The following GIMAP2 variants were observed in gnomAD, a reference collection of about 807,000 sequenced individuals.
GIMAP2 encodes the protein GTPase, IMAP family member 2, also known as GTPase IMAP family member 2.
GIMAP2 carries 22 observed loss-of-function variants against 25.5 expected under a neutral mutation model. The ratio of observed to expected loss-of-function variants is 0.86; its 90% CI spans 0.62 to 1.23. The LOEUF is 1.23. Among genes scored for constraint, GIMAP2 ranks in the 50% most tolerant of loss-of-function variants. The pLI, the probability that GIMAP2 is intolerant of heterozygous loss-of-function variation, is 0.00. For synonymous variants in GIMAP2, 167 were observed against 143.0 expected, an observed-to-expected ratio of 1.17 and a Z score of -1.20; for missense variants, 422 against 395.7, an observed-to-expected ratio of 1.07 and a Z score of -0.56.
chr7:150,692,943 C>T lies in GIMAP2; in HGVS notation c.657C>T (p.Tyr219=). ...GTGATCACTATACCAATGGGTTGTA[C>T]AGCCTAATACAGAGGTCTAAATGTG... is the stretch of plus-strand genomic sequence containing the variant. ...KNGDHYTNGL[Y]SLIQRSKCGP... is the part of the protein sequence containing the mutation. The change falls in exon 3 of 3, where the codon TAC becomes TAT. Residue 219 remains tyrosine, a synonymous_variant. Transcript: ENST00000223293. The T allele has an allele frequency of 6.2e-7, 1 of 1,614,096 alleles. No homozygotes were observed. Among genetic ancestry groups the T allele is most frequent in the Non-Finnish European group, 8.5e-7 (1 of 1,179,940 alleles).
Position 150,692,669 on chromosome 7 carries a change from G to C in GIMAP2, c.383G>C (p.Arg128Thr). ...YTSQDQQAAQ[R>T]VKEIFGEDAM... Reference sequence around the variant, plus strand: ...TCACAGGACCAGCAGGCTGCACAGAGGGTGAAGGAGATCTTTGGAGAGGAT... The same window carrying C: ...TCACAGGACCAGCAGGCTGCACAGACGGTGAAGGAGATCTTTGGAGAGGAT... Residue 128 changes from arginine (R) to threonine (T), a missense_variant, in exon 3 of 3, where the codon AGG (arginine) becomes ACG (threonine). Coordinates refer to ENST00000223293, the MANE Select transcript of GIMAP2 (RefSeq NM_015660.3). The C allele has an allele frequency of 6.2e-7, 1 of 1,614,238 alleles. No individual in the cohort carries two copies. Among genetic ancestry groups the C allele is most frequent in the Non-Finnish European group, 8.5e-7 (1 of 1,180,046 alleles).
At chr7:150,690,119 C>T (rs1472225611) in intron 2 of GIMAP2, among the ~76,000 whole-genome samples, 1 of 152,166 alleles carries the variant, frequency 6.6e-6, no homozygotes, top group Non-Finnish European at 1.5e-5. Flanking sequence ...TTGAACTTCC[C>T]TGAGCACAGT....
chr7:150,692,220 G>C, intron 2 of GIMAP2, 95 bp from the exon 3 acceptor site: 1 of 1,233,520 alleles, frequency 8.1e-7, no homozygotes, highest in Non-Finnish European at 1.1e-6. Context: ...GCGAGACTCC[G>C]TCTCAAAAAA....
Position 150,692,239 on chromosome 7 carries a change from A to C in GIMAP2, c.29-76A>C, listed in dbSNP as rs1324591121. ...GACTCCGTCTCAAAAAAAAAAGAAA[A>C]AGAAATGAAAGGAAAAAAAAATATT... On this transcript the variant is annotated intron_variant, in intron 2 of 2. Coordinates refer to ENST00000223293, the MANE Select transcript of GIMAP2 (RefSeq NM_015660.3). 4.3e-6 allele frequency: 6 copies of C among 1,402,142 alleles called. No homozygotes were observed. The East Asian group carries it at 1.5e-4, about 34-fold the overall frequency. The allele number at this position is 1,402,142 out of a possible 1,614,324, so 86.9% of individuals were successfully genotyped here. A position where few individuals can be genotyped will look rare whatever the true frequency, so the allele number is the denominator to read the frequency against.
chr7:150,686,943 CAAAAA>C (rs1224720533), intron 1 of GIMAP2, 104 bp from the exon 2 acceptor site: 7 of 483,840 alleles, frequency 1.4e-5, no homozygotes, highest in South Asian at 2.3e-5. Flanking sequence ...AACTGTGTCT[CAAAAA>C]AAAAAAAAAA....
chr7:150,692,245 T>G, intron 2 of GIMAP2, 70 bp from the exon 3 acceptor site: 1 of 1,417,064 alleles, frequency 7.1e-7, no homozygotes, highest in Non-Finnish European at 9.5e-7. Flanking sequence ...GAAAAAGAAA[T>G]GAAAGGAAAA....
chr7:150,691,390 C>A (rs1796964239), intron 2 of GIMAP2, among the ~76,000 whole-genome samples: 1 of 152,212 alleles, frequency 6.6e-6, no homozygotes. Context: ...CTCCTCTCCC[C>A]AGAACCTTAC....
At chr7:150,689,699 C>T in intron 2 of GIMAP2, 2 of 571,286 alleles carry the variant, frequency 3.5e-6, no homozygotes, top group Non-Finnish European at 6.4e-6. Flanking sequence ...TAAATTTTGG[C>T]CAATTTGTCT....
At chr7:150,688,100 C>T (rs1796924585) in intron 2 of GIMAP2, among the ~76,000 whole-genome samples, 1 of 152,066 alleles carries the variant, frequency 6.6e-6, no homozygotes, top group South Asian at 2.1e-4. Context: ...CAGCCACTGA[C>T]TCTTATTATG....
chr7:150,689,855 T>C (rs1013421157), intron 2 of GIMAP2, among the ~76,000 whole-genome samples: 2 of 152,234 alleles, frequency 1.3e-5, no homozygotes, highest in African/African-American at 4.8e-5. Flanking sequence ...CTCTAAGTTA[T>C]TGGGCAAGTT....
In GIMAP2 at chr7:150,693,214, T is replaced by A. The variant is rs1252919798; in HGVS notation, c.928T>A (p.Cys310Ser). 1.2e-6 allele frequency: 2 copies of A among 1,609,734 alleles called. No individual in the cohort carries two copies. The highest frequency in any genetic ancestry group is 2.2e-5 in the East Asian group (1 of 44,882). Residue 310 changes from cysteine (C) to serine (S), a missense_variant, in exon 3 of 3, where the codon TGC (cysteine) becomes AGC (serine). Coordinates refer to ENST00000223293, the MANE Select transcript of GIMAP2 (RefSeq NM_015660.3). ...ACTCTTTAGTATGTGCAATTTATTCTGCAGTTTGCTGTTTATTATACCCAA... is the reference window on the plus strand; with the variant it reads ...ACTCTTTAGTATGTGCAATTTATTCAGCAGTTTGCTGTTTATTATACCCAA... Reference protein sequence around the residue: ...CLLFSMCNLFCSLLFIIPKKL... With the variant: ...CLLFSMCNLFSSLLFIIPKKL...
At chr7:150,691,775 G>A (rs963410248) in intron 2 of GIMAP2, among the ~76,000 whole-genome samples, 4 of 152,194 alleles carry the variant, frequency 2.6e-5, no homozygotes, top group African/African-American at 9.7e-5. Flanking sequence ...TACATGATGA[G>A]AAATGTCTCT....
rs1783101381 is a variant in GIMAP2 at position 150,692,316 on chromosome 7, A to C, written c.30A>C (p.Gly10=). 1 of 1,613,172 alleles carries C rather than the reference A, an allele frequency of 6.2e-7. No homozygotes were observed. Among genetic ancestry groups the C allele is most frequent in the Non-Finnish European group, 8.5e-7 (1 of 1,179,150 alleles). Residue 10 remains glycine (G), a splice_region_variant and synonymous_variant, in exon 3 of 3, where the codon GGA becomes GGC. Transcript: ENST00000223293. ...ACACAGTAAACTTGCTCCTCACAGGACCACATGCAAAGGGCCAATGTGCCA... is the reference window on the plus strand; with the variant it reads ...ACACAGTAAACTTGCTCCTCACAGGCCCACATGCAAAGGGCCAATGTGCCA... MDQNEHSHW[G]PHAKGQCASR...
intron 2 of GIMAP2, among the ~76,000 whole-genome samples, chr7:150,690,702 T>A (rs2116505632): frequency 6.6e-6 from 1 of 152,350 alleles, no homozygotes; most frequent in African/African-American, 2.4e-5. Flanking sequence ...CAGCACTCTT[T>A]TAAGTTCTTT....
intron 2 of GIMAP2, among the ~76,000 whole-genome samples, chr7:150,688,574 T>G (rs563656417): frequency 1.3e-5 from 2 of 152,168 alleles, no homozygotes; most frequent in Non-Finnish European, 2.9e-5. Context: ...TACATTCAAT[T>G]TGAGTTTCTC....
chr7:150,689,388 C>A, intron 2 of GIMAP2: 2 of 626,318 alleles, frequency 3.2e-6, no homozygotes, highest in South Asian at 1.8e-5. Context: ...TTCCCTATAC[C>A]CTCCCCATGG....
intron 2 of GIMAP2, 200 bp downstream of exon 2, chr7:150,687,287 T>TTTG (rs1796915365): frequency 7.2e-6 from 4 of 556,422 alleles, no homozygotes; most frequent in Non-Finnish European, 1.3e-5. Context: ...TGTTTGTTTG[T>TTTG]TTTGAGACAG....
rs944469144 is a variant in GIMAP2, at chr7:150,686,927, G to C, written c.-8-125G>C. 1.3e-5 allele frequency: 8 copies of C among 626,798 alleles called. No individual in the cohort carries two copies. In the African/African-American group the frequency reaches 2.0e-4, roughly 16 times the overall value. 38.8% of individuals were successfully genotyped at this position (626,798 alleles called of 1,614,324 possible). A position where few individuals can be genotyped will look rare whatever the true frequency, so the allele number is the denominator to read the frequency against. On this transcript the variant is annotated intron_variant, in intron 1 of 2. Transcript: ENST00000223293. ...CCACTGCACTCCAGCCTGGGTGACA[G>C]AGTGAAACTGTGTCTCAAAAAAAAA... is the stretch of plus-strand genomic sequence containing the variant.
intron 2 of GIMAP2, among the ~76,000 whole-genome samples, chr7:150,691,404 C>A (rs569247779): frequency 6.6e-6 from 1 of 152,174 alleles, no homozygotes. Flanking sequence ...ACCTTACCCA[C>A]GTTGAAGGGA....
Sources: allele counts gnomAD v4.1 joint callset (sites outside exome capture counted in the v4.1 genomes callset), GRCh38; gene constraint gnomAD v4.1.1; transcripts MANE v1.5; gene names NCBI Gene and HGNC (gene_info 2026-07-23, HGNC 2026-07-21).